The following KLHL2 variants were observed in gnomAD, a reference collection of about 807,000 sequenced individuals.
KLHL2 encodes kelch like family member 2.
A neutral mutation model predicts 75.8 loss-of-function variants in KLHL2; 15 were observed. The observed-to-expected ratio is 0.20, with a 90% CI of 0.13 to 0.30. KLHL2 has a LOEUF of 0.30. Among genes scored for constraint, KLHL2 ranks in the 10% least tolerant of loss-of-function variants. The pLI is 1.00. For synonymous variants in KLHL2, 214 were observed against 251.9 expected (o/e 0.85, Z 1.42); for missense variants, 381 against 741.0 (o/e 0.51, Z 5.64).
chr4:165,272,214 T>G (rs1238799540), intron 5 of KLHL2, among the ~76,000 whole-genome samples: 1 of 152,192 alleles, frequency 6.6e-6, no homozygotes, highest in Non-Finnish European at 1.5e-5. Flanking sequence ...GGAAGCCGAT[T>G]TACAGATGAG....
intron 5 of KLHL2, among the ~76,000 whole-genome samples, chr4:165,291,658 G>C (rs1744514698): frequency 6.6e-6 from 1 of 151,826 alleles, no homozygotes. Context: ...TCTCTTTCTG[G>C]GCTCTCTATT....
At chr4:165,299,755 T>G in intron 8 of KLHL2, 99 bp downstream of exon 8, 1 of 1,109,910 alleles carries the variant, frequency 9.0e-7, no homozygotes, top group East Asian at 2.5e-5. Context: ...ATTTATTGTT[T>G]TAGTTTTCCT....
chr4:165,284,022 A>G lies in KLHL2; in HGVS notation c.545-10337A>G, dbSNP rs191946178. Among the ~76,000 whole-genome samples, 303 of 152,276 alleles carry G rather than the reference A, an allele frequency of 2.0e-3. 1 individual carries two copies. The highest frequency in any genetic ancestry group is 3.4e-3 in the Non-Finnish European group (234 of 68,012). On this transcript the variant is annotated intron_variant, in intron 5 of 14. Transcript: ENST00000226725. ...GGCTGGAGTGGCTGGGACACAGGGC[A>G]CCGTGTCCTTAGGCTGCACACAGCA...
intron 4 of KLHL2, among the ~76,000 whole-genome samples, chr4:165,239,975 T>C (rs531044897): frequency 1.3e-4 from 20 of 151,576 alleles, no homozygotes; most frequent in East Asian, 7.7e-4. Context: ...GTCTAACTCA[T>C]GTTAATCAGC....
Position 165,284,903 on chromosome 4 carries a change from CAG to C in KLHL2, c.545-9453_545-9452del, listed in dbSNP as rs1743970010. ...TCCTACATGGATGGCAGCAGGCAAACAGAGCTTGTGCAAGGAAACTCCCATTT... is the reference window on the plus strand; with the variant it reads ...TCCTACATGGATGGCAGCAGGCAAACAGCTTGTGCAAGGAAACTCCCATTT... On this transcript the variant is annotated intron_variant, in intron 5 of 14. Coordinates refer to ENST00000226725, the MANE Select transcript of KLHL2 (RefSeq NM_007246.4). Among the ~76,000 whole-genome samples, 6 of 152,300 alleles carry C rather than the reference CAG, an allele frequency of 3.9e-5. No individual in the cohort carries two copies. The South Asian group carries it at 1.2e-3, about 32-fold the overall frequency.
chr4:165,312,556 T>G (rs1164763154), intron 11 of KLHL2, among the ~76,000 whole-genome samples: 2 of 152,172 alleles, frequency 1.3e-5, no homozygotes, highest in African/African-American at 4.8e-5. Flanking sequence ...ACCCATTTCA[T>G]GTATACAGTT....
intron 6 of KLHL2, among the ~76,000 whole-genome samples, chr4:165,294,815 ACTCAATGC>A (rs1744793078): frequency 6.6e-6 from 1 of 152,100 alleles, no homozygotes; most frequent in South Asian, 2.1e-4. Context: ...TCTTCCTACA[ACTCAATGC>A]CTGTAGGAAT....
At chr4:165,266,142 C>T (rs1248260084) in intron 5 of KLHL2, among the ~76,000 whole-genome samples, 1 of 152,066 alleles carries the variant, frequency 6.6e-6, no homozygotes, top group Admixed American at 6.6e-5. Context: ...CTGTTTATAT[C>T]CTTTGTCCAC....
intron 5 of KLHL2, among the ~76,000 whole-genome samples, chr4:165,274,603 CGTCTCAAAA>C (rs762936471): frequency 1.8e-3 from 224 of 125,990 alleles, no homozygotes; most frequent in Non-Finnish European, 3.0e-3. Flanking sequence ...AGTGAGACTA[CGTCTCAAAA>C]AAAAAAAAAA....
intron 2 of KLHL2, among the ~76,000 whole-genome samples, chr4:165,220,341 A>G (rs1249358632): frequency 3.3e-5 from 5 of 152,204 alleles, no homozygotes; most frequent in African/African-American, 4.8e-5. Context: ...AAATGCAAAA[A>G]AAAGAAATGT....
intron 5 of KLHL2, among the ~76,000 whole-genome samples, chr4:165,268,470 A>C (rs1742421011): frequency 6.6e-6 from 1 of 152,164 alleles, no homozygotes. Context: ...ATTTCCCGCT[A>C]CACACTGCTT....
chr4:165,294,990 C>T (rs1242634249), intron 6 of KLHL2, among the ~76,000 whole-genome samples: 1 of 152,158 alleles, frequency 6.6e-6, no homozygotes, highest in African/African-American at 2.4e-5. Flanking sequence ...TACCTCACCC[C>T]TGCCAGTCCG....
chr4:165,275,238 T>C (rs1430618057), intron 5 of KLHL2, among the ~76,000 whole-genome samples: 1 of 152,152 alleles, frequency 6.6e-6, no homozygotes, highest in Non-Finnish European at 1.5e-5. Flanking sequence ...CAGAGAGTGC[T>C]GGTTTGTGGA....
rs528260147 is a variant in KLHL2 at position 165,280,213 on chromosome 4, G to A, written c.545-14146G>A. 7.9e-5 allele frequency among the ~76,000 whole-genome samples: 12 copies of A among 152,344 alleles called. No individual in the cohort carries two copies. In the East Asian group the frequency reaches 2.1e-3, roughly 27 times the overall value. The stretch of plus-strand genomic sequence containing the variant: ...TTATGTGCCTGGCATTGCCCACACT[G>A]TTGTGGGTGATAGATAATAGGCTCA... On this transcript the variant is annotated intron_variant, in intron 5 of 14. Coordinates refer to ENST00000226725, the MANE Select transcript of KLHL2 (RefSeq NM_007246.4).
chr4:165,247,611 ACTT>A (rs58854880), intron 4 of KLHL2, among the ~76,000 whole-genome samples: 10,426 of 152,216 alleles, frequency 0.068, 449 homozygotes, highest in Middle Eastern at 0.13. Flanking sequence ...GAGCAGGAAA[ACTT>A]CTCTGTTAAC....
chr4:165,312,063 C>T (rs1385722986), intron 11 of KLHL2, among the ~76,000 whole-genome samples: 1 of 152,040 alleles, frequency 6.6e-6, no homozygotes, highest in Non-Finnish European at 1.5e-5. Context: ...AACCTAGGTC[C>T]CTCAAATGTG....
At chr4:165,210,327 T>A (rs1478034969) in intron 1 of KLHL2, 1 of 825,870 alleles carries the variant, frequency 1.2e-6, no homozygotes, top group Non-Finnish European at 2.0e-6. Flanking sequence ...TCCACTGGCC[T>A]GTTGGCACAT....
chr4:165,321,829 A>G (rs1310728137), intron 14 of KLHL2, among the ~76,000 whole-genome samples: 2 of 152,124 alleles, frequency 1.3e-5, no homozygotes, highest in East Asian at 3.8e-4. Context: ...ATAGTCTTAT[A>G]TTTAACTAGC....
At chr4:165,298,272 AC>A (rs1362151783) in intron 7 of KLHL2, among the ~76,000 whole-genome samples, 37 of 139,932 alleles carry the variant, frequency 2.6e-4, no homozygotes, top group Non-Finnish European at 5.5e-4. Context: ...CATCTTCTTT[AC>A]TGTTTTTTTC....
Sources: gnomAD v4.1 joint callset for allele counts (sites outside exome capture counted in the v4.1 genomes callset) on GRCh38, gnomAD v4.1.1 for gene constraint, MANE v1.5 for transcripts, NCBI Gene and HGNC (gene_info 2026-07-23, HGNC 2026-07-21) for gene names.